The following UNC13B variants were observed in gnomAD, a reference collection of about 807,000 sequenced individuals.
UNC13B encodes the protein protein unc-13 homolog B.
Under a neutral mutation model 211.0 loss-of-function variants are expected in UNC13B, and 144 were observed. That is an observed-to-expected ratio of 0.68 (90% CI 0.60 to 0.78). The LOEUF (loss-of-function observed/expected upper bound fraction) is 0.78, where lower values mean the gene tolerates loss of function less well. UNC13B is among the 30% of genes least tolerant of loss of function. The probability of loss-of-function intolerance (pLI) is 0.00; values close to 1 mark genes in which losing one functional copy is unlikely to be tolerated. For synonymous variants in UNC13B, 709 were observed against 725.8 expected, an observed-to-expected ratio of 0.98 and a Z score of 0.37; for missense variants, 1,777 against 2,002.0, an observed-to-expected ratio of 0.89 and a Z score of 2.14.
At chr9:35,334,289 C>G (rs992365842) in intron 11 of UNC13B, among the ~76,000 whole-genome samples, 1 of 152,154 alleles carries the variant, frequency 6.6e-6, no homozygotes, top group Non-Finnish European at 1.5e-5. Flanking sequence ...TTGTACCTCC[C>G]CTTACACTTG....
chr9:35,216,400 A>T (rs1228194356), intron 1 of UNC13B, among the ~76,000 whole-genome samples: 1 of 152,238 alleles, frequency 6.6e-6, no homozygotes, highest in Non-Finnish European at 1.5e-5. Flanking sequence ...CCATGGAATG[A>T]CATAGCAGTG....
intron 12 of UNC13B, among the ~76,000 whole-genome samples, chr9:35,367,999 G>A (rs956186171): frequency 2.6e-5 from 4 of 152,102 alleles, no homozygotes; most frequent in African/African-American, 9.7e-5. Flanking sequence ...AGAAAGATCA[G>A]GTAGATGATC....
chr9:35,173,793 G>C (rs539256489), intron 1 of UNC13B, among the ~76,000 whole-genome samples: 1 of 152,264 alleles, frequency 6.6e-6, no homozygotes, highest in South Asian at 2.1e-4. Context: ...TAACCACTGT[G>C]ATATAAGGTA....
intron 11 of UNC13B, among the ~76,000 whole-genome samples, chr9:35,350,225 C>T (rs1832627111): frequency 6.6e-6 from 1 of 152,200 alleles, no homozygotes; most frequent in East Asian, 1.9e-4. Context: ...ATCGTCTCTG[C>T]CTCTGTAATG....
intron 18 of UNC13B, 126 bp downstream of exon 18, chr9:35,380,765 G>A: frequency 1.6e-6 from 2 of 1,255,000 alleles, no homozygotes; most frequent in Non-Finnish European, 2.2e-6. Flanking sequence ...TGTCTCACCT[G>A]CAAAGAACTG....
At chr9:35,332,755 C>G (rs1213799703) in intron 11 of UNC13B, among the ~76,000 whole-genome samples, 1 of 152,176 alleles carries the variant, frequency 6.6e-6, no homozygotes, top group Non-Finnish European at 1.5e-5. Flanking sequence ...TCTTTGAAGC[C>G]TTTCCCAAAG....
intron 6 of UNC13B, among the ~76,000 whole-genome samples, chr9:35,253,972 T>C (rs1038913020): frequency 6.6e-6 from 1 of 152,246 alleles, no homozygotes; most frequent in African/African-American, 2.4e-5. Flanking sequence ...AGATTTTAAA[T>C]TTTTGTTAAT....
At chr9:35,348,086 AAAAAC>A (rs761540128) in intron 11 of UNC13B, among the ~76,000 whole-genome samples, 10 of 152,224 alleles carry the variant, frequency 6.6e-5, no homozygotes, top group African/African-American at 1.4e-4. Flanking sequence ...AAACAAAAAC[AAAAAC>A]AAAACAAAAC....
intron 11 of UNC13B, among the ~76,000 whole-genome samples, chr9:35,319,350 C>T (rs2131900966): frequency 7.9e-6 from 1 of 126,882 alleles, no homozygotes; most frequent in Admixed American, 9.5e-5. Flanking sequence ...TTGCAGTGGG[C>T]CAAGCTCATG....
At chr9:35,216,894 T>C (rs1187932400) in intron 1 of UNC13B, among the ~76,000 whole-genome samples, 1 of 152,020 alleles carries the variant, frequency 6.6e-6, no homozygotes, top group East Asian at 1.9e-4. Context: ...TTATGCTGAG[T>C]GGAAAAAAAA....
intron 1 of UNC13B, among the ~76,000 whole-genome samples, chr9:35,184,845 AAAG>A (rs1369109924): frequency 1.0e-5 from 1 of 97,974 alleles, no homozygotes; most frequent in Non-Finnish European, 2.2e-5. Flanking sequence ...AGAAAGAAAG[AAAG>A]AAAAGAAAGA....
Position 35,258,978 on chromosome 9 carries a change from C to G in UNC13B, c.469-15C>G. ...GATTGTATTTATTTATTTATTTTCT[C>G]CTTTCTGCTTCTAGTATTCTAGTCA... On this transcript the variant is annotated splice_polypyrimidine_tract_variant and intron_variant, in intron 6 of 39. Coordinates refer to ENST00000635942, the MANE Select transcript of UNC13B (RefSeq NM_001371189.2). 6.2e-7 allele frequency: 1 copy of G among 1,610,224 alleles called. No homozygotes were observed. Among genetic ancestry groups the G allele is most frequent in the Non-Finnish European group, 8.5e-7 (1 of 1,178,408 alleles).
chr9:35,369,941 C>A (rs1251500946), intron 12 of UNC13B, among the ~76,000 whole-genome samples: 1 of 152,142 alleles, frequency 6.6e-6, no homozygotes, highest in Non-Finnish European at 1.5e-5. Context: ...CAAGACTTAT[C>A]TTTGGGGAGC....
At position 35,302,354 on chromosome 9, in the gene UNC13B, A is replaced by G. The variant is rs935806123; in HGVS notation, c.2950A>G (p.Ile984Val). Residue 984 changes from isoleucine to valine, a missense_variant, in exon 9 of 40, where the codon ATA becomes GTA. By Grantham distance (29) the Ile-to-Val change is conservative. Transcript: ENST00000635942. ...TGATGATCTAGAGAAGTTTGACAGT[A>G]TAAAGGAATTTAATAAGAATGACCA... Reference protein sequence around the residue: ...IHDDLEKFDSIKEFNKNDQVN... With the variant: ...IHDDLEKFDSVKEFNKNDQVN... 1 of 398,620 alleles carries G rather than the reference A, an allele frequency of 2.5e-6. No individual in the cohort carries two copies. The highest frequency in any genetic ancestry group is 4.4e-5 in the Admixed American group (1 of 22,710). The allele number at this position is 398,620 out of a possible 1,614,324, so 24.7% of individuals were successfully genotyped here.
intron 20 of UNC13B, 121 bp from the exon 21 acceptor site, chr9:35,382,236 A>C: frequency 7.4e-7 from 1 of 1,348,348 alleles, no homozygotes; most frequent in Non-Finnish European, 1.0e-6. Context: ...AGCCCTAGGC[A>C]AGAGAGGGCA....
At position 35,398,622 on chromosome 9, in the gene UNC13B, C is replaced by T; in HGVS notation, c.11901C>T (p.Leu3967=). ...AACTGAATACGGTTCTGGATGAGCTCAGCATGGTGTTTGGAAACAGGTCAG... is the reference window on the plus strand; with the variant it reads ...AACTGAATACGGTTCTGGATGAGCTTAGCATGGTGTTTGGAAACAGGTCAG... ...QVKLNTVLDE[L]SMVFGNSFQV... is the part of the protein sequence containing the mutation. The change falls in exon 32 of 40, where the codon CTC becomes CTT. Residue 3967 remains leucine, a synonymous_variant. Coordinates refer to ENST00000635942, the MANE Select transcript of UNC13B (RefSeq NM_001371189.2). The T allele has an allele frequency of 6.2e-7, 1 of 1,614,004 alleles. No individual in the cohort carries two copies. The highest frequency in any genetic ancestry group is 1.1e-5 in the South Asian group (1 of 91,074).
intron 1 of UNC13B, among the ~76,000 whole-genome samples, chr9:35,174,969 T>C (rs7042070): frequency 0.82 from 124,250 of 151,768 alleles, 51,004 homozygotes; most frequent in East Asian, 0.98. Flanking sequence ...CACCGTGCCC[T>C]GCCATTTGTG....
At chr9:35,208,062 A>G (rs1823762216) in intron 1 of UNC13B, among the ~76,000 whole-genome samples, 1 of 152,182 alleles carries the variant, frequency 6.6e-6, no homozygotes, top group East Asian at 1.9e-4. Flanking sequence ...TACATCTTGG[A>G]TATCTCTATC....
chr9:35,217,905 G>C (rs1382904445), intron 1 of UNC13B, among the ~76,000 whole-genome samples: 4 of 152,030 alleles, frequency 2.6e-5, no homozygotes, highest in African/African-American at 9.7e-5. Context: ...TTAGCCAGGC[G>C]TGGTGGCAGG....
Sources: allele counts gnomAD v4.1 joint callset (sites outside exome capture counted in the v4.1 genomes callset), GRCh38; gene constraint gnomAD v4.1.1; transcripts MANE v1.5; gene names NCBI Gene and HGNC (gene_info 2026-07-23, HGNC 2026-07-21).